The following PIGN variants were observed in gnomAD, a reference collection of about 807,000 sequenced individuals.
PIGN encodes the protein phosphatidylinositol glycan anchor biosynthesis class N.
PIGN carries 117 observed loss-of-function variants against 125.4 expected under a neutral mutation model. That is an observed-to-expected ratio of 0.93 (90% CI 0.80 to 1.09). PIGN has a LOEUF of 1.09. Ranked by LOEUF, PIGN falls within the 50% of genes least tolerant of loss-of-function variation. The pLI is 0.00. For synonymous variants in PIGN, 392 were observed against 377.8 expected (o/e 1.04, Z -0.44); for missense variants, 1,075 against 1,094.9 (o/e 0.98, Z 0.26).
intron 1 of PIGN, among the ~76,000 whole-genome samples, chr18:62,166,579 C>G (rs1308063249): frequency 2.0e-5 from 3 of 152,162 alleles, no homozygotes; most frequent in Non-Finnish European, 4.4e-5. Flanking sequence ...GATTATAAAT[C>G]ATTCTATATA....
chr18:62,024,665 A>G (rs1052758889), intron 23 of PIGN, among the ~76,000 whole-genome samples: 4 of 152,068 alleles, frequency 2.6e-5, no homozygotes, highest in African/African-American at 9.7e-5. Flanking sequence ...AGAACTCACT[A>G]GCTCCTGTGG....
At chr18:62,140,992 CG>C (rs2036114309) in intron 11 of PIGN, among the ~76,000 whole-genome samples, 1 of 152,168 alleles carries the variant, frequency 6.6e-6, no homozygotes, top group African/African-American at 2.4e-5. Flanking sequence ...TTCAATTTCT[CG>C]GAAGAGTTGT....
intron 23 of PIGN, among the ~76,000 whole-genome samples, chr18:62,022,440 A>G (rs544507): frequency 0.66 from 100,254 of 152,142 alleles, 34,554 homozygotes; most frequent in African/African-American, 0.87. Context: ...ATAATTAAAG[A>G]AACTGGACAA....
At chr18:62,080,186 G>C (rs2033380901) in intron 28 of PIGN, among the ~76,000 whole-genome samples, 1 of 152,088 alleles carries the variant, frequency 6.6e-6, no homozygotes, top group Non-Finnish European at 1.5e-5. Flanking sequence ...CATGGCTCTT[G>C]TACAGTTGAG....
chr18:62,025,366 G>T (rs1038185152), intron 23 of PIGN, among the ~76,000 whole-genome samples: 4 of 151,884 alleles, frequency 2.6e-5, no homozygotes, highest in African/African-American at 9.7e-5. Flanking sequence ...CTTGTTTTTT[G>T]GTCTTTTTTT....
intron 23 of PIGN, among the ~76,000 whole-genome samples, chr18:62,020,960 C>CAAA (rs35691307): frequency 1.8e-5 from 2 of 113,436 alleles, no homozygotes; most frequent in African/African-American, 3.4e-5. Flanking sequence ...GACTCTGTCT[C>CAAA]AAAAAAAAAA....
chr18:62,106,805 A>T lies in PIGN; in HGVS notation c.1751T>A (p.Leu584Gln). 1 of 1,606,588 alleles carries T rather than the reference A, an allele frequency of 6.2e-7. No homozygotes were observed. Among genetic ancestry groups the T allele is most frequent in the Non-Finnish European group, 8.5e-7 (1 of 1,176,268 alleles). The change falls in exon 19 of 31, where the codon CTG becomes CAG. Residue 584 changes from leucine (L) to glutamine (Q), a missense_variant. Leu to Gln is a moderately radical substitution (Grantham distance 113, BLOSUM62 -2). This residue lies in a region of PIGN where 915 missense variants were observed against 908.7 expected (regional missense o/e 1.01). Coordinates refer to ENST00000640252, the MANE Select transcript of PIGN (RefSeq NM_176787.5). Reference sequence around the variant, plus strand: ...TACTCATACCTTTGCTCGAGTCCACAGCCGAGTGAGAAATGGCCAAGCTGC... The same window carrying T: ...TACTCATACCTTTGCTCGAGTCCACTGCCGAGTGAGAAATGGCCAAGCTGC... ...AFAAWPFLTR[L>Q]WTRAKMTSLS...
At chr18:62,086,021 A>C (rs538860722) in intron 25 of PIGN, among the ~76,000 whole-genome samples, 1 of 152,350 alleles carries the variant, frequency 6.6e-6, no homozygotes, top group African/African-American at 2.4e-5. Context: ...CTGAGCCTTT[A>C]ATGTATTCAT....
chr18:62,083,765 G>A (rs1382228531), intron 27 of PIGN, among the ~76,000 whole-genome samples: 1 of 152,162 alleles, frequency 6.6e-6, no homozygotes. Flanking sequence ...TAGGGAACAG[G>A]ATGTGAGAAA....
intron 23 of PIGN, among the ~76,000 whole-genome samples, chr18:62,026,289 T>C (rs1333164037): frequency 1.3e-5 from 2 of 152,152 alleles, no homozygotes; most frequent in Non-Finnish European, 2.9e-5. Flanking sequence ...GTTAATGCTA[T>C]TATGTCCATT....
intron 16 of PIGN, among the ~76,000 whole-genome samples, chr18:62,110,954 T>C (rs942526588): frequency 1.3e-5 from 2 of 150,436 alleles, no homozygotes; most frequent in Non-Finnish European, 3.0e-5. Context: ...CCTCACTAAA[T>C]AAAGTGTAAA....
At chr18:62,124,570 A>C (rs1275383254) in intron 14 of PIGN, among the ~76,000 whole-genome samples, 1 of 152,180 alleles carries the variant, frequency 6.6e-6, no homozygotes, top group Non-Finnish European at 1.5e-5. Flanking sequence ...CGTAAAATGC[A>C]AATCTAACCA....
At chr18:62,163,926 T>A (rs938487470) in intron 1 of PIGN, among the ~76,000 whole-genome samples, 4 of 152,238 alleles carry the variant, frequency 2.6e-5, no homozygotes, top group Admixed American at 6.5e-5. Context: ...AGTGAAATTA[T>A]ACAGTATTTA....
chr18:62,035,397 T>C (rs2030245902), intron 23 of PIGN, among the ~76,000 whole-genome samples: 1 of 152,358 alleles, frequency 6.6e-6, no homozygotes, highest in South Asian at 2.1e-4. Flanking sequence ...TGGCCATCTC[T>C]GAACAAAACA....
rs374005156 is a variant in PIGN, at chr18:62,106,863, G to A, written c.1693C>T (p.Arg565Cys). 119 of 1,607,786 alleles carry A rather than the reference G, an allele frequency of 7.4e-5. No individual in the cohort carries two copies. Among genetic ancestry groups the A allele is most frequent in the African/African-American group, 9.4e-5 (7 of 74,750 alleles). Residue 565 changes from arginine to cysteine, a missense_variant, in exon 19 of 31, where the codon CGC becomes TGC. This residue lies in a region of PIGN where 915 missense variants were observed against 908.7 expected (regional missense o/e 1.01). Transcript: ENST00000640252. ...IEVLVLSFFY[R>C]YMLTAGLTAF... is the part of the protein sequence containing the mutation. ...GTAAGTCCAGCGGTAAGCATATAGC[G>A]GTAGAAAAAACTGAGAACCTAGTAA... is the stretch of plus-strand genomic sequence containing the variant.
chr18:62,128,104 T>C (rs965203594), intron 14 of PIGN, among the ~76,000 whole-genome samples: 1 of 152,174 alleles, frequency 6.6e-6, no homozygotes, highest in African/African-American at 2.4e-5. Context: ...ATCTTATAAT[T>C]CCCACAAGAA....
chr18:62,167,286 ATG>A (rs61310777), intron 1 of PIGN, among the ~76,000 whole-genome samples: 8,475 of 138,382 alleles, frequency 0.061, 245 homozygotes, highest in Non-Finnish European at 0.072. Flanking sequence ...AGAGATATAT[ATG>A]TGTGTGTGTG....
chr18:62,075,326 C>T (rs1284710482), intron 28 of PIGN: 1 of 152,490 alleles, frequency 6.6e-6, no homozygotes, highest in Non-Finnish European at 1.5e-5. Context: ...CCTAATCCCT[C>T]ACCCCTGAGA....
chr18:62,084,732 A>G (rs1299669088), intron 26 of PIGN, 126 bp from the exon 27 acceptor site: 2 of 694,172 alleles, frequency 2.9e-6, no homozygotes, highest in African/African-American at 3.6e-5. Flanking sequence ...CAAACATCAT[A>G]TTATGAAGCC....
Sources: allele counts gnomAD v4.1 joint callset (sites outside exome capture counted in the v4.1 genomes callset), GRCh38; gene constraint gnomAD v4.1.1; regional missense constraint gnomAD v4.1.1; transcripts MANE v1.5; gene names NCBI Gene and HGNC (gene_info 2026-07-23, HGNC 2026-07-21).